IGF1: variants seen among roughly 807,000 people sequenced by gnomAD.
IGF1 encodes the protein insulin like growth factor 1, also known as insulin-like growth factor 1.
In IGF1, 4 loss-of-function variants were observed where a neutral mutation model predicts 13.8. The observed-to-expected ratio is 0.29, with a 90% CI of 0.14 to 0.66. The LOEUF (loss-of-function observed/expected upper bound fraction) is 0.66, where lower values mean the gene tolerates loss of function less well. Among genes scored for constraint, IGF1 ranks in the 30% least tolerant of loss-of-function variants. The pLI is 0.78. For synonymous variants in IGF1, 76 were observed against 72.6 expected, an observed-to-expected ratio of 1.05 and a Z score of -0.23; for missense variants, 124 against 188.5, an observed-to-expected ratio of 0.66 and a Z score of 2.00.
At chr12:102,435,219 A>T (rs1877120361) in intron 2 of IGF1, among the ~76,000 whole-genome samples, 2 of 152,204 alleles carry the variant, frequency 1.3e-5, no homozygotes, top group South Asian at 4.1e-4. Flanking sequence ...TGATGTGAGG[A>T]AGCTCCTTAA....
intron 3 of IGF1, among the ~76,000 whole-genome samples, chr12:102,405,868 A>C (rs568245761): frequency 6.6e-5 from 10 of 152,372 alleles, no homozygotes; most frequent in African/African-American, 2.4e-4. Context: ...TATAGCAAAA[A>C]GAATTGAGGT....
Position 102,400,906 on chromosome 12 carries a change from T to C in IGF1, c.*1601A>G, listed in dbSNP as rs1873630054. On this transcript the variant is annotated 3_prime_UTR_variant, in exon 4 of 4. Transcript: ENST00000337514. ...ATAAAACCAAATGCAGAATTCAAAA[T>C]CAAATTGAAAATCAAATGCTTCCCA... The C allele has an allele frequency of 6.6e-6, 1 of 152,176 alleles. No individual in the cohort carries two copies. Among genetic ancestry groups the C allele is most frequent in the African/African-American group, 2.4e-5 (1 of 41,444 alleles). The allele number at this position is 152,176 out of a possible 1,614,324, so 9.4% of individuals were successfully genotyped here.
At chr12:102,471,128 G>A (rs1880660099) in intron 2 of IGF1, among the ~76,000 whole-genome samples, 1 of 152,164 alleles carries the variant, frequency 6.6e-6, no homozygotes, top group African/African-American at 2.4e-5. Flanking sequence ...CGAAGAATCT[G>A]GCTCCTCTTA....
intron 2 of IGF1, among the ~76,000 whole-genome samples, chr12:102,468,725 G>A (rs1880488314): frequency 6.6e-6 from 1 of 152,238 alleles, no homozygotes; most frequent in Admixed American, 6.5e-5. Flanking sequence ...GTGTACGATG[G>A]AACTCTGCCA....
At chr12:102,419,829 A>T in intron 2 of IGF1, 139 bp from the exon 3 acceptor site, 1 of 786,260 alleles carries the variant, frequency 1.3e-6, no homozygotes, top group Non-Finnish European at 2.2e-6. Context: ...AACTTCCCCA[A>T]TGATTCCTGA....
At chr12:102,457,397 G>C (rs1462457303) in intron 2 of IGF1, among the ~76,000 whole-genome samples, 1 of 152,208 alleles carries the variant, frequency 6.6e-6, no homozygotes, top group Non-Finnish European at 1.5e-5. Flanking sequence ...GTAGAATTTT[G>C]ACGCATCATT....
At chr12:102,475,907 C>T in intron 1 of IGF1, 108 bp from the exon 2 acceptor site, 1 of 1,143,390 alleles carries the variant, frequency 8.7e-7, no homozygotes, top group Non-Finnish European at 1.3e-6. Flanking sequence ...TGTCATTAAT[C>T]AGGACTACCC....
rs1280732914 is a variant in IGF1, at chr12:102,419,583, C to T, written c.328G>A (p.Ala110Thr). Residue 110 changes from alanine to threonine, a missense_variant, in exon 3 of 4, where the codon GCA becomes ACA. Coordinates refer to ENST00000337514, the MANE Select transcript of IGF1 (RefSeq NM_000618.5). ...CDLRRLEMYC[A>T]PLKPAKSARS... ...GCTGACTTGGCAGGCTTGAGGGGTG[C>T]GCAATACATCTCCAGCCTCCTTAGA... The T allele has an allele frequency of 1.2e-6, 2 of 1,613,828 alleles. No homozygotes were observed. Among genetic ancestry groups the T allele is most frequent in the South Asian group, 1.1e-5 (1 of 91,064 alleles).
At chr12:102,471,383 C>T (rs1880675768) in intron 2 of IGF1, among the ~76,000 whole-genome samples, 1 of 152,120 alleles carries the variant, frequency 6.6e-6, no homozygotes, top group African/African-American at 2.4e-5. Context: ...TAAATGCCTG[C>T]CAAACTCCTA....
At chr12:102,459,791 C>A (rs1341438472) in intron 2 of IGF1, among the ~76,000 whole-genome samples, 1 of 152,132 alleles carries the variant, frequency 6.6e-6, no homozygotes, top group Non-Finnish European at 1.5e-5. Flanking sequence ...CTCAGCTGTA[C>A]CCTTGCTCTG....
rs1447797848 is a variant in IGF1, at chr12:102,398,455, T to C, written c.*4052A>G. Reference sequence around the variant, plus strand: ...GCACAAAAATCAATAAGGAACTTACTTATCTTTTAAATTCTTCTATTTGCC... The same window carrying C: ...GCACAAAAATCAATAAGGAACTTACCTATCTTTTAAATTCTTCTATTTGCC... On this transcript the variant is annotated 3_prime_UTR_variant, in exon 4 of 4. Coordinates refer to ENST00000337514, the MANE Select transcript of IGF1 (RefSeq NM_000618.5). 6.6e-6 allele frequency: 1 copy of C among 152,246 alleles called. No individual in the cohort carries two copies. Among genetic ancestry groups the C allele is most frequent in the East Asian group, 1.9e-4 (1 of 5,206 alleles). The allele number at this position is 152,246 out of a possible 1,614,324, so 9.4% of individuals were successfully genotyped here. A position where few individuals can be genotyped will look rare whatever the true frequency, so the allele number is the denominator to read the frequency against.
chr12:102,402,325 G>A lies in IGF1; in HGVS notation c.*182C>T. The A allele has an allele frequency of 3.0e-6, 2 of 660,408 alleles. No homozygotes were observed. Among genetic ancestry groups the A allele is most frequent in the South Asian group, 3.4e-5 (2 of 58,018 alleles). 40.9% of individuals were successfully genotyped at this position (660,408 alleles called of 1,614,324 possible). A position where few individuals can be genotyped will look rare whatever the true frequency, so the allele number is the denominator to read the frequency against. On this transcript the variant is annotated 3_prime_UTR_variant, in exon 4 of 4. Coordinates refer to ENST00000337514, the MANE Select transcript of IGF1 (RefSeq NM_000618.5). The stretch of plus-strand genomic sequence containing the variant: ...AACTCCAGGACCATTTTTGCAAGGT[G>A]CAAATCACTCCTAAAGACAATGTTG...
intron 1 of IGF1, among the ~76,000 whole-genome samples, chr12:102,477,183 T>C (rs1881102703): frequency 6.6e-6 from 1 of 151,994 alleles, no homozygotes; most frequent in African/African-American, 2.4e-5. Context: ...GACTCTCAAT[T>C]TAGTGGCTCT....
chr12:102,477,582 A>G (rs1881139547), intron 1 of IGF1, among the ~76,000 whole-genome samples: 1 of 147,672 alleles, frequency 6.8e-6, no homozygotes, highest in Non-Finnish European at 1.5e-5. Flanking sequence ...TTCCTGTTCA[A>G]TATTTCCATT....
intron 2 of IGF1, among the ~76,000 whole-genome samples, chr12:102,431,858 GAA>G (rs772787209): frequency 2.6e-5 from 4 of 152,152 alleles, no homozygotes; most frequent in Non-Finnish European, 5.9e-5. Flanking sequence ...CCTTGAGAGA[GAA>G]GTCTGTGCAC....
At chr12:102,458,047 A>G (rs1458523495) in intron 2 of IGF1, among the ~76,000 whole-genome samples, 2 of 152,226 alleles carry the variant, frequency 1.3e-5, no homozygotes. Context: ...TGGTCATTCC[A>G]GTCAAAATTC....
chr12:102,421,914 G>A (rs1875755706), intron 2 of IGF1, among the ~76,000 whole-genome samples: 1 of 152,174 alleles, frequency 6.6e-6, no homozygotes, highest in Non-Finnish European at 1.5e-5. Context: ...TGGGATGGCA[G>A]AGAGAGTTTC....
intron 2 of IGF1, among the ~76,000 whole-genome samples, chr12:102,460,366 T>A (rs1398140317): frequency 2.0e-5 from 3 of 152,174 alleles, no homozygotes; most frequent in Admixed American, 2.0e-4. Flanking sequence ...ACTCAATAGA[T>A]GGTGTGGACT....
intron 3 of IGF1, among the ~76,000 whole-genome samples, chr12:102,410,175 A>C (rs367674596): frequency 2.6e-5 from 4 of 152,236 alleles, no homozygotes; most frequent in Admixed American, 6.5e-5. Flanking sequence ...ATCTCTATCA[A>C]AATGGTTTAA....
Sources: gnomAD v4.1 joint callset for allele counts (sites outside exome capture counted in the v4.1 genomes callset) on GRCh38, gnomAD v4.1.1 for gene constraint, MANE v1.5 for transcripts, NCBI Gene and HGNC (gene_info 2026-07-23, HGNC 2026-07-21) for gene names.